Variants in RBM14 observed in about 807,000 individuals in gnomAD.
RBM14 encodes RNA binding motif protein 14.
Under a neutral mutation model 52.8 loss-of-function variants are expected in RBM14, and 5 were observed. The ratio of observed to expected loss-of-function variants is 0.09; its 90% CI spans 0.05 to 0.20. The LOEUF (loss-of-function observed/expected upper bound fraction) is 0.20, where lower values mean the gene tolerates loss of function less well. RBM14 is among the 10% of genes least tolerant of loss of function. The probability of loss-of-function intolerance (pLI) is 1.00; values close to 1 mark genes in which losing one functional copy is unlikely to be tolerated. For missense variants in RBM14, 780 were observed against 926.6 expected (o/e 0.84, Z 2.05); for synonymous variants, 411 against 401.8 (o/e 1.02, Z -0.28).
At position 66,627,516 on chromosome 11, in the gene RBM14, T is replaced by A. The variant is rs1361599574; in HGVS notation, c.*848T>A. 6.6e-6 allele frequency among the ~76,000 whole-genome samples: 1 copy of A among 152,224 alleles called. No homozygotes were observed. The highest frequency in any genetic ancestry group is 1.5e-5 in the Non-Finnish European group (1 of 68,030). On this transcript the variant is annotated 3_prime_UTR_variant, in exon 3 of 3. Coordinates refer to ENST00000310137, the MANE Select transcript of RBM14 (RefSeq NM_006328.4). The stretch of plus-strand genomic sequence containing the variant: ...TGGCCCAGAAGGATTTAGCTCATCG[T>A]CGTCCTGCTAGCCTGCCATCTTTCA...
chr11:66,616,873 C>T lies in RBM14; in HGVS notation c.153C>T (p.Ala51=), dbSNP rs556768149. ...HMRENAGALR[A]IEALHGHELR... ...GCGAGAACGCGGGCGCGCTGCGCGC[C>T]ATCGAAGCCCTGCACGGCCACGAGC... is the stretch of plus-strand genomic sequence containing the variant. Residue 51 remains alanine, a synonymous_variant, in exon 1 of 3, where the codon GCC becomes GCT. Transcript: ENST00000310137. 7 of 1,612,186 alleles carry T rather than the reference C, an allele frequency of 4.3e-6. No individual in the cohort carries two copies. The highest frequency in any genetic ancestry group is 2.2e-5 in the East Asian group (1 of 44,828).
chr11:66,628,054 T>C lies in RBM14; in HGVS notation c.*1386T>C, dbSNP rs535700175. On this transcript the variant is annotated 3_prime_UTR_variant, in exon 3 of 3. Coordinates refer to ENST00000310137, the MANE Select transcript of RBM14 (RefSeq NM_006328.4). Reference sequence around the variant, plus strand: ...GATGTCCTCTCGCTGGGTTTATATTTGAAGGTATAGAATCTGGGAAAGGGT... The same window carrying C: ...GATGTCCTCTCGCTGGGTTTATATTCGAAGGTATAGAATCTGGGAAAGGGT... 5.9e-5 allele frequency among the ~76,000 whole-genome samples: 9 copies of C among 152,208 alleles called. No homozygotes were observed. In the East Asian group the frequency reaches 1.7e-3, roughly 29 times the overall value.
intron 1 of RBM14, chr11:66,617,444 A>T (rs1858890830): frequency 9.6e-7 from 1 of 1,043,340 alleles, no homozygotes; most frequent in African/African-American, 1.7e-5. Context: ...CCACTTCCCC[A>T]CTTCCTCTCC....
chr11:66,626,336 GAGA>G, intron 2 of RBM14, 122 bp from the exon 3 acceptor site: 2 of 963,344 alleles, frequency 2.1e-6, no homozygotes, highest in South Asian at 3.1e-5. Context: ...CTGACAAAAG[GAGA>G]CCAATCTCTT....
chr11:66,617,351 T>C, intron 1 of RBM14: 1 of 1,229,580 alleles, frequency 8.1e-7, no homozygotes, highest in Non-Finnish European at 1.0e-6. Flanking sequence ...GGGCGCGCCT[T>C]CTCCTGGTCT....
At chr11:66,626,382 C>G in intron 2 of RBM14, 79 bp from the exon 3 acceptor site, 1 of 1,349,256 alleles carries the variant, frequency 7.4e-7, no homozygotes, top group Admixed American at 1.7e-5. Context: ...TCCCTGTCCC[C>G]ATTGGCATCT....
intron 1 of RBM14, chr11:66,623,831 T>G: frequency 1.4e-6 from 1 of 713,874 alleles, no homozygotes; most frequent in South Asian, 1.5e-5. Context: ...GAGTTTGGGT[T>G]GAGAACACTG....
At position 66,624,559 on chromosome 11, in the gene RBM14, C is replaced by T; in HGVS notation, c.683C>T (p.Ala228Val). ...TCACCTCCCCGAGCCTCTTATGTGG[C>T]TCCTCTGACGGCCCAGCCAGCTACC... ...RRSPPRASYV[A>V]PLTAQPATYR... Residue 228 changes from alanine (A) to valine (V), a missense_variant, in exon 2 of 3, where the codon GCT becomes GTT. Coordinates refer to ENST00000310137, the MANE Select transcript of RBM14 (RefSeq NM_006328.4). This position sits in a 1 kb window ranked among gnomAD's most constrained non-coding sequence, Gnocchi z 4.7. 1 of 1,612,806 alleles carries T rather than the reference C, an allele frequency of 6.2e-7. No individual in the cohort carries two copies. The highest frequency in any genetic ancestry group is 8.5e-7 in the Non-Finnish European group (1 of 1,180,014).
chr11:66,624,930 G>T lies in RBM14; in HGVS notation c.1054G>T (p.Ala352Ser). The change falls in exon 2 of 3, where the codon GCT becomes TCT. Residue 352 changes from alanine (A) to serine (S), a missense_variant. Physicochemically the swap from Ala to Ser is moderately conservative, Grantham distance 99 (BLOSUM62 1). Transcript: ENST00000310137. The surrounding 1 kb of genome is among the most constrained non-coding windows in gnomAD (Gnocchi z 4.7). The part of the protein sequence containing the change: ...GNQPSSYGAQ[A>S]ASSYGVRAAA... Reference sequence around the variant, plus strand: ...CCAGCCATCCTCTTACGGCGCCCAGGCTGCCTCTTCCTATGGGGTTCGTGC... The same window carrying T: ...CCAGCCATCCTCTTACGGCGCCCAGTCTGCCTCTTCCTATGGGGTTCGTGC... 6.2e-7 allele frequency: 1 copy of T among 1,613,790 alleles called. No individual in the cohort carries two copies. Among genetic ancestry groups the T allele is most frequent in the Non-Finnish European group, 8.5e-7 (1 of 1,179,944 alleles).
At position 66,626,356 on chromosome 11, in the gene RBM14, C is replaced by CACAGGG. The variant is rs1056721147; in HGVS notation, c.1803-103_1803-102insAGGGAC. 2.3e-5 allele frequency: 26 copies of CACAGGG among 1,131,778 alleles called. No individual in the cohort carries two copies. The Admixed American group carries it at 2.9e-4, about 13-fold the overall frequency. The allele number at this position is 1,131,778 out of a possible 1,614,324, so 70.1% of individuals were successfully genotyped here. On this transcript the variant is annotated intron_variant, in intron 2 of 2. Transcript: ENST00000310137. ...AAAAGGAGACCAATCTCTTGGAGAC[C>CACAGGG]ACTGTGATCACACCCTCCCTGTCCC...
At chr11:66,622,374 T>G (rs1455160648) in intron 1 of RBM14, among the ~76,000 whole-genome samples, 2 of 151,884 alleles carry the variant, frequency 1.3e-5, no homozygotes, top group African/African-American at 4.8e-5. Flanking sequence ...GCTGGAATTA[T>G]AGGTGTGCAC....
Position 66,624,368 on chromosome 11 carries a change from G to A in RBM14, c.492G>A (p.Lys164=). 2 of 1,614,166 alleles carry A rather than the reference G, an allele frequency of 1.2e-6. No homozygotes were observed. The highest frequency in any genetic ancestry group is 1.7e-6 in the Non-Finnish European group (2 of 1,179,984). ...GPGLAVQSGD[K]TKKPGAGDTA... ...GCCTGGCTGTCCAGTCTGGGGACAA[G>A]ACCAAGAAACCAGGGGCTGGGGATA... Residue 164 remains lysine, a synonymous_variant, in exon 2 of 3, where the codon AAG becomes AAA. Transcript: ENST00000310137. This position sits in a 1 kb window ranked among gnomAD's most constrained non-coding sequence, Gnocchi z 4.7.
chr11:66,617,249 G>T, intron 1 of RBM14, 192 bp downstream of exon 1: 1 of 1,404,432 alleles, frequency 7.1e-7, no homozygotes, highest in Non-Finnish European at 9.2e-7. Context: ...CGTCCACCAA[G>T]TAGGAGGAAG....
intron 1 of RBM14, chr11:66,619,584 T>G (rs1651191005): frequency 1.3e-5 from 2 of 151,888 alleles, no homozygotes; most frequent in Admixed American, 1.3e-4. Flanking sequence ...TTTTTTTTTT[T>G]TAGACGGAGT....
chr11:66,621,770 A>G (rs1859123289), intron 1 of RBM14, among the ~76,000 whole-genome samples: 1 of 152,096 alleles, frequency 6.6e-6, no homozygotes. Flanking sequence ...AGGGAAATAA[A>G]TCTCTGGTTA....
chr11:66,618,470 A>G, intron 1 of RBM14: 1 of 717,400 alleles, frequency 1.4e-6, no homozygotes, highest in Non-Finnish European at 2.6e-6. Flanking sequence ...CTGCATTAAT[A>G]CTGCATTCTA....
chr11:66,623,861 A>T (rs1265748363), intron 1 of RBM14: 1 of 717,336 alleles, frequency 1.4e-6, no homozygotes, highest in African/African-American at 1.7e-5. Flanking sequence ...GTGATCTAGG[A>T]ACGCTTTCTG....
In RBM14 at chr11:66,624,340, C is replaced by G; in HGVS notation, c.464C>G (p.Pro155Arg). 1 of 1,614,146 alleles carries G rather than the reference C, an allele frequency of 6.2e-7. No homozygotes were observed. The highest frequency in any genetic ancestry group is 8.5e-7 in the Non-Finnish European group (1 of 1,179,970). The change falls in exon 2 of 3, where the codon CCT becomes CGT. Residue 155 changes from proline (P) to arginine (R), a missense_variant. Pro to Arg is a moderately radical substitution (Grantham distance 103). Coordinates refer to ENST00000310137, the MANE Select transcript of RBM14 (RefSeq NM_006328.4). The surrounding 1 kb of genome is among the most constrained non-coding windows in gnomAD (Gnocchi z 4.7). Reference protein sequence around the residue: ...ELSTKGQKKGPGLAVQSGDKT... With the variant: ...ELSTKGQKKGRGLAVQSGDKT... ...TCCACCAAGGGTCAGAAGAAGGGGCCTGGCCTGGCTGTCCAGTCTGGGGAC... is the reference window on the plus strand; with the variant it reads ...TCCACCAAGGGTCAGAAGAAGGGGCGTGGCCTGGCTGTCCAGTCTGGGGAC...
At chr11:66,623,530 A>T (rs1334995880) in intron 1 of RBM14, among the ~76,000 whole-genome samples, 1 of 152,224 alleles carries the variant, frequency 6.6e-6, no homozygotes, top group Non-Finnish European at 1.5e-5. Flanking sequence ...TTGAGCATGT[A>T]TGTCCACCTG....
Sources: allele counts gnomAD v4.1 joint callset (sites outside exome capture counted in the v4.1 genomes callset), GRCh38; gene constraint gnomAD v4.1.1; non-coding constraint Gnocchi (gnomAD v3.1); transcripts MANE v1.5; gene names NCBI Gene and HGNC (gene_info 2026-07-23, HGNC 2026-07-21).